CYSTM1: variants seen among roughly 807,000 people sequenced by gnomAD.
The protein encoded by CYSTM1 is cysteine rich transmembrane module containing 1, also known as cysteine-rich transmembrane module-containing protein 1.
In CYSTM1, 4 loss-of-function variants were observed where a neutral mutation model predicts 13.1. That is an observed-to-expected ratio of 0.31 (90% confidence interval 0.15 to 0.70). The LOEUF is 0.70. CYSTM1 is among the 30% of genes least tolerant of loss of function. The pLI is 0.72. For missense variants in CYSTM1, 96 were observed against 121.6 expected (o/e 0.79, Z 0.99); for synonymous variants, 36 against 42.7 (o/e 0.84, Z 0.62).
At chr5:140,210,149 CAGTT>C (rs1399108680) in intron 2 of CYSTM1, among the ~76,000 whole-genome samples, 1 of 152,154 alleles carries the variant, frequency 6.6e-6, no homozygotes, top group Non-Finnish European at 1.5e-5. Context: ...ATTTCCTAGT[CAGTT>C]CTTGTTTATA....
intron 2 of CYSTM1, among the ~76,000 whole-genome samples, chr5:140,232,492 C>G (rs1764628465): frequency 6.6e-6 from 1 of 152,116 alleles, no homozygotes; most frequent in Non-Finnish European, 1.5e-5. Context: ...ATGGGATGTC[C>G]TGAGAGCTGA....
intron 2 of CYSTM1, 57 bp downstream of exon 2, chr5:140,194,709 C>A: frequency 1.3e-6 from 2 of 1,530,256 alleles, no homozygotes; most frequent in Non-Finnish European, 8.8e-7. Context: ...GAAATGTTTG[C>A]ATGTTTTCTT....
intron 1 of CYSTM1, among the ~76,000 whole-genome samples, chr5:140,188,904 C>T (rs1764057056): frequency 6.6e-6 from 1 of 151,816 alleles, no homozygotes; most frequent in South Asian, 2.1e-4. Context: ...GTACAATTTA[C>T]AATAAAGTTT....
chr5:140,197,321 C>T (rs1764170224), intron 2 of CYSTM1, among the ~76,000 whole-genome samples: 2 of 152,136 alleles, frequency 1.3e-5, no homozygotes, highest in Admixed American at 1.3e-4. Context: ...TTTCTTAATT[C>T]TTTTTAGGGT....
At chr5:140,208,158 T>C (rs1476508411) in intron 2 of CYSTM1, among the ~76,000 whole-genome samples, 1 of 152,214 alleles carries the variant, frequency 6.6e-6, no homozygotes, top group Non-Finnish European at 1.5e-5. Flanking sequence ...TGTTGCAGCT[T>C]TGTTCACAAT....
chr5:140,223,588 G>GT (rs796242223), intron 2 of CYSTM1, among the ~76,000 whole-genome samples: 1 of 152,282 alleles, frequency 6.6e-6, no homozygotes, highest in African/African-American at 2.4e-5. Flanking sequence ...CTTATTTTCC[G>GT]GATGCTGGAG....
chr5:140,243,400 AT>A lies in CYSTM1; in HGVS notation c.284del (p.Met95SerfsTer20). 1 of 1,614,020 alleles carries A rather than the reference AT, an allele frequency of 6.2e-7. No homozygotes were observed. The highest frequency in any genetic ancestry group is 8.5e-7 in the Non-Finnish European group (1 of 1,179,988). On this transcript the variant is annotated frameshift_variant, in exon 3 of 3. Coordinates refer to ENST00000261811, the MANE Select transcript of CYSTM1 (RefSeq NM_032412.4). LOFTEE classifies it high-confidence loss of function. ...TCTCTGTTGCTGCTGTCTCTGGGAC[AT>A]GCTCACCTGACCAGACCAGCCCAGC... ...TALCCCCLWD[M>X]LT
intron 2 of CYSTM1, among the ~76,000 whole-genome samples, chr5:140,217,836 C>A (rs900831434): frequency 3.9e-5 from 6 of 152,118 alleles, no homozygotes; most frequent in Non-Finnish European, 8.8e-5. Context: ...TCCACTCATT[C>A]ATTTAGTGTG....
chr5:140,228,988 C>G (rs1292951663), intron 2 of CYSTM1: 6 of 393,062 alleles, frequency 1.5e-5, no homozygotes, highest in Non-Finnish European at 2.2e-5. Context: ...GAAATGGTAT[C>G]TCACTAATTT....
At chr5:140,213,043 ATTT>A (rs796704010) in intron 2 of CYSTM1, among the ~76,000 whole-genome samples, 7 of 130,560 alleles carry the variant, frequency 5.4e-5, no homozygotes, top group African/African-American at 1.9e-4. Context: ...GAGAACTCCT[ATTT>A]TTTTTTTTTA....
chr5:140,207,704 C>T (rs1288141742), intron 2 of CYSTM1, among the ~76,000 whole-genome samples: 1 of 152,204 alleles, frequency 6.6e-6, no homozygotes, highest in Non-Finnish European at 1.5e-5. Flanking sequence ...TTCTCAGCAT[C>T]ATCAGGCTCC....
chr5:140,204,046 T>G (rs1014477977), intron 2 of CYSTM1, among the ~76,000 whole-genome samples: 24 of 152,078 alleles, frequency 1.6e-4, no homozygotes, highest in African/African-American at 5.8e-4. Flanking sequence ...TTAGTGACTT[T>G]CCAGGGTCAG....
chr5:140,227,588 G>A (rs538973471), intron 2 of CYSTM1, among the ~76,000 whole-genome samples: 1 of 152,260 alleles, frequency 6.6e-6, no homozygotes, highest in Non-Finnish European at 1.5e-5. Flanking sequence ...GTGGGGAGTT[G>A]GACCATGTGA....
rs10060071 is a variant in CYSTM1, at chr5:140,219,512, T to C, written c.188-23793T>C. On this transcript the variant is annotated intron_variant, in intron 2 of 2. Transcript: ENST00000261811. The surrounding 1 kb of genome is among the most constrained non-coding windows in gnomAD (Gnocchi z 4.1). ...GGTCATCCTGTCCCATCCCTGACCTTGGAACTCACTGTGTACCAGCCTCTA... is the reference window on the plus strand; with the variant it reads ...GGTCATCCTGTCCCATCCCTGACCTCGGAACTCACTGTGTACCAGCCTCTA... Among the ~76,000 whole-genome samples, 72,804 of 151,952 alleles carry C rather than the reference T, an allele frequency of 0.48. 17,659 individuals are homozygous for C. The highest frequency in any genetic ancestry group is 0.71 in the South Asian group (3,410 of 4,822).
chr5:140,229,193 A>G (rs1002548531), intron 2 of CYSTM1, among the ~76,000 whole-genome samples: 5 of 151,508 alleles, frequency 3.3e-5, no homozygotes, highest in African/African-American at 1.2e-4. Flanking sequence ...TCTTCTTCCT[A>G]TCTGACTCTC....
chr5:140,214,346 A>G (rs913523782), intron 2 of CYSTM1, among the ~76,000 whole-genome samples: 2 of 152,154 alleles, frequency 1.3e-5, no homozygotes, highest in Non-Finnish European at 2.9e-5. Context: ...AGAACATTCT[A>G]TTTTGCCTTT....
intron 2 of CYSTM1, among the ~76,000 whole-genome samples, chr5:140,242,379 CAAG>C (rs1311835130): frequency 6.6e-6 from 1 of 152,138 alleles, no homozygotes; most frequent in Non-Finnish European, 1.5e-5. Context: ...ATACAAAACA[CAAG>C]AAAACTGAAA....
chr5:140,210,329 G>A (rs1438314522), intron 2 of CYSTM1, among the ~76,000 whole-genome samples: 1 of 152,100 alleles, frequency 6.6e-6, no homozygotes, highest in Non-Finnish European at 1.5e-5. Flanking sequence ...TGTGGGGGCT[G>A]TCCTGTGTAT....
intron 2 of CYSTM1, among the ~76,000 whole-genome samples, chr5:140,226,061 GTCTGCCTGAAAGGTCA>G (rs1232731398): frequency 6.6e-6 from 1 of 152,184 alleles, no homozygotes; most frequent in Non-Finnish European, 1.5e-5. Flanking sequence ...CAGGGGAGGG[GTCTGCCTGAAAGGTCA>G]TAGGCATTTG....
Sources: allele counts gnomAD v4.1 joint callset (sites outside exome capture counted in the v4.1 genomes callset), GRCh38; gene constraint gnomAD v4.1.1; non-coding constraint Gnocchi (gnomAD v3.1); transcripts MANE v1.5; gene names NCBI Gene and HGNC (gene_info 2026-07-23, HGNC 2026-07-21).